WDR7: variants seen among roughly 807,000 people sequenced by gnomAD.
WDR7 encodes the protein WD repeat-containing protein 7.
A neutral mutation model predicts 169.4 loss-of-function variants in WDR7; 46 were observed. The ratio of observed to expected loss-of-function variants is 0.27; its 90% CI spans 0.21 to 0.35. The LOEUF (loss-of-function observed/expected upper bound fraction) is 0.35. Ranked by LOEUF, WDR7 falls within the 10% of genes least tolerant of loss-of-function variation. WDR7 has a pLI of 1.00. For missense variants in WDR7, 1,534 were observed against 1,859.3 expected (o/e 0.83, Z 3.22); for synonymous variants, 612 against 666.8 (o/e 0.92, Z 1.27).
At chr18:56,859,756 T>TA (rs1184121179) in intron 20 of WDR7, among the ~76,000 whole-genome samples, 1 of 152,204 alleles carries the variant, frequency 6.6e-6, no homozygotes, top group Non-Finnish European at 1.5e-5. Context: ...CCATTGAACT[T>TA]AGGTCTTTTG....
intron 26 of WDR7, among the ~76,000 whole-genome samples, chr18:57,017,442 GTGCA>G (rs374445240): frequency 4.4e-5 from 6 of 134,920 alleles, no homozygotes; most frequent in East Asian, 2.4e-4. Flanking sequence ...GTGTGTGTGT[GTGCA>G]TGTGTGTGTG....
chr18:56,828,986 C>G (rs527906499), intron 20 of WDR7, among the ~76,000 whole-genome samples: 1 of 151,726 alleles, frequency 6.6e-6, no homozygotes, highest in African/African-American at 2.4e-5. Context: ...TTTCAAACCC[C>G]CATCTCATTG....
chr18:56,705,500 G>T (rs1314526659), intron 12 of WDR7, among the ~76,000 whole-genome samples: 1 of 152,094 alleles, frequency 6.6e-6, no homozygotes, highest in Admixed American at 6.6e-5. Context: ...TATTAGTTTT[G>T]TGGATATTTA....
At chr18:56,961,582 T>C (rs1170880005) in intron 25 of WDR7, among the ~76,000 whole-genome samples, 1 of 152,168 alleles carries the variant, frequency 6.6e-6, no homozygotes, top group Non-Finnish European at 1.5e-5. Flanking sequence ...TCATAATTTT[T>C]ATTCTTACCT....
At chr18:56,802,523 ATTT>A (rs34077855) in intron 19 of WDR7, among the ~76,000 whole-genome samples, 4,677 of 132,398 alleles carry the variant, frequency 0.035, 97 homozygotes, top group Middle Eastern at 0.046. Context: ...ACACCGGCTA[ATTT>A]TTTTTTTTTT....
At chr18:56,659,361 T>A (rs1399351658) in intron 1 of WDR7, among the ~76,000 whole-genome samples, 6 of 152,234 alleles carry the variant, frequency 3.9e-5, no homozygotes, top group Non-Finnish European at 7.3e-5. Context: ...CAAACATATT[T>A]CATTCACTAG....
At chr18:56,717,056 G>T (rs1157805495) in intron 12 of WDR7, among the ~76,000 whole-genome samples, 1 of 152,140 alleles carries the variant, frequency 6.6e-6, no homozygotes, top group Non-Finnish European at 1.5e-5. Flanking sequence ...TATATTTATA[G>T]TGCAGTGGGC....
At chr18:56,905,770 AAG>A (rs1479721825) in intron 21 of WDR7, among the ~76,000 whole-genome samples, 8 of 152,120 alleles carry the variant, frequency 5.3e-5, no homozygotes, top group Admixed American at 4.6e-4. Context: ...GCAAAATAAA[AAG>A]ACAATACTAA....
At chr18:56,688,690 C>T (rs1249541188) in intron 7 of WDR7, among the ~76,000 whole-genome samples, 1 of 151,572 alleles carries the variant, frequency 6.6e-6, no homozygotes. Flanking sequence ...GATTGCGGCA[C>T]TGCACTCCAG....
intron 26 of WDR7, among the ~76,000 whole-genome samples, chr18:57,011,318 C>T (rs1453184877): frequency 6.7e-6 from 1 of 149,946 alleles, no homozygotes; most frequent in Non-Finnish European, 1.5e-5. Flanking sequence ...ATGACATATA[C>T]GTAACTTTTA....
intron 20 of WDR7, among the ~76,000 whole-genome samples, chr18:56,833,768 T>G (rs2045354022): frequency 6.6e-6 from 1 of 152,192 alleles, no homozygotes. Flanking sequence ...AGACCAATCT[T>G]TCCCGTCTCA....
intron 1 of WDR7, 128 bp downstream of exon 1, chr18:56,651,704 C>T (rs1245993194): frequency 6.6e-6 from 1 of 152,464 alleles, no homozygotes; most frequent in African/African-American, 2.4e-5. Flanking sequence ...GCTGTCAGAT[C>T]GCTGCGGCTG....
intron 26 of WDR7, among the ~76,000 whole-genome samples, chr18:57,002,004 A>G (rs2047988561): frequency 1.3e-5 from 2 of 152,178 alleles, no homozygotes; most frequent in South Asian, 4.1e-4. Context: ...ACCCATGATT[A>G]GAGCAGTCAT....
intron 21 of WDR7, among the ~76,000 whole-genome samples, chr18:56,895,122 T>A (rs1410001771): frequency 6.6e-6 from 1 of 151,958 alleles, no homozygotes; most frequent in Non-Finnish European, 1.5e-5. Flanking sequence ...TTATTTAGCA[T>A]GGACATTTTA....
intron 21 of WDR7, among the ~76,000 whole-genome samples, chr18:56,906,519 T>TTCTTTTC (rs2046478314): frequency 6.7e-6 from 1 of 150,360 alleles, no homozygotes; most frequent in African/African-American, 2.5e-5. Context: ...ATGCTTCTTT[T>TTCTTTTC]TTCTTTTTCT....
intron 22 of WDR7, among the ~76,000 whole-genome samples, chr18:56,929,853 G>A (rs1199237048): frequency 6.6e-6 from 1 of 152,180 alleles, no homozygotes; most frequent in Non-Finnish European, 1.5e-5. Flanking sequence ...AATTTTGTTA[G>A]ATCAGCATGG....
At chr18:56,806,136 C>T (rs1294396983) in intron 19 of WDR7, among the ~76,000 whole-genome samples, 1 of 152,166 alleles carries the variant, frequency 6.6e-6, no homozygotes, top group East Asian at 1.9e-4. Context: ...GAACTATTTT[C>T]ACTTATTCAT....
intron 1 of WDR7, 49 bp downstream of exon 1, chr18:56,651,625 T>G (rs583242): frequency 0.24 from 36,162 of 152,304 alleles, 6,555 homozygotes; most frequent in African/African-American, 0.52. Context: ...GGCGGGATGT[T>G]CCTGCACCGT....
At chr18:56,697,841 A>G (rs568214636) in intron 12 of WDR7, among the ~76,000 whole-genome samples, 15 of 152,208 alleles carry the variant, frequency 9.9e-5, no homozygotes, top group Non-Finnish European at 2.2e-4. Flanking sequence ...AATATTTAAA[A>G]TAATAGAATA....
Sources: allele counts gnomAD v4.1 joint callset (sites outside exome capture counted in the v4.1 genomes callset), GRCh38; gene constraint gnomAD v4.1.1; transcripts MANE v1.5; gene names NCBI Gene and HGNC (gene_info 2026-07-23, HGNC 2026-07-21).